Variants in LRP1B observed in about 807,000 individuals in gnomAD.
LRP1B encodes the protein low-density lipoprotein receptor-related protein 1B.
In LRP1B, 217 loss-of-function variants were observed where a neutral mutation model predicts 556.6. The ratio of observed to expected loss-of-function variants is 0.39; its 90% CI spans 0.35 to 0.44. The LOEUF is 0.44. LRP1B is among the 20% of genes least tolerant of loss of function. The pLI, the probability that LRP1B is intolerant of heterozygous loss-of-function variation, is 1.00. For missense variants in LRP1B, 5,053 were observed against 5,620.8 expected (o/e 0.90, Z 3.23); for synonymous variants, 2,047 against 1,865.8 (o/e 1.10, Z -2.50).
intron 11 of LRP1B, among the ~76,000 whole-genome samples, chr2:141,043,413 C>G (rs1425588826): frequency 6.6e-6 from 1 of 151,750 alleles, no homozygotes; most frequent in Non-Finnish European, 1.5e-5. Context: ...GCAAAATTAT[C>G]ACCCTTTTCA....
chr2:140,577,018 G>C (rs1024856907), intron 43 of LRP1B, among the ~76,000 whole-genome samples: 1 of 152,028 alleles, frequency 6.6e-6, no homozygotes, highest in East Asian at 1.9e-4. Flanking sequence ...TCCCAGTGCA[G>C]TTAGTAGTGA....
chr2:140,826,230 T>G (rs2105064670), intron 31 of LRP1B, among the ~76,000 whole-genome samples: 1 of 152,286 alleles, frequency 6.6e-6, no homozygotes, highest in East Asian at 1.9e-4. Flanking sequence ...GGTCCTTGAA[T>G]AACATTTTGG....
chr2:141,743,925 T>C (rs2105549917), intron 2 of LRP1B, among the ~76,000 whole-genome samples: 1 of 141,612 alleles, frequency 7.1e-6, no homozygotes, highest in East Asian at 2.1e-4. Context: ...GCTTTGTCAG[T>C]TTTGTTTATT....
At chr2:140,381,867 A>G (rs113982628) in intron 67 of LRP1B, among the ~76,000 whole-genome samples, 17,765 of 123,474 alleles carry the variant, frequency 0.14, 424 homozygotes, top group East Asian at 0.27. Context: ...CTTTCAAAAA[A>G]AAAAAAAAAA....
intron 2 of LRP1B, among the ~76,000 whole-genome samples, chr2:141,550,310 A>G (rs549646611): frequency 6.6e-6 from 1 of 152,308 alleles, no homozygotes; most frequent in Admixed American, 6.5e-5. Flanking sequence ...TAAATTTCCT[A>G]AAATCCTATT....
At chr2:141,022,618 G>A (rs1012938508) in intron 11 of LRP1B, among the ~76,000 whole-genome samples, 1 of 151,906 alleles carries the variant, frequency 6.6e-6, no homozygotes, top group Non-Finnish European at 1.5e-5. Flanking sequence ...GGTCCTGCCT[G>A]AGACTGACTA....
intron 2 of LRP1B, among the ~76,000 whole-genome samples, chr2:141,614,561 AAGG>A (rs1688228051): frequency 6.6e-6 from 1 of 152,192 alleles, no homozygotes; most frequent in Non-Finnish European, 1.5e-5. Flanking sequence ...CTGGTAGAAG[AAGG>A]AGATTGAGAC....
intron 43 of LRP1B, among the ~76,000 whole-genome samples, chr2:140,551,278 A>G (rs1680538887): frequency 6.6e-6 from 1 of 152,196 alleles, no homozygotes; most frequent in African/African-American, 2.4e-5. Context: ...GAGTGTAAAA[A>G]TAATAACTGC....
At chr2:140,381,600 T>C (rs1683489546) in intron 67 of LRP1B, among the ~76,000 whole-genome samples, 3 of 152,054 alleles carry the variant, frequency 2.0e-5, no homozygotes. Context: ...TGGTGGCTCA[T>C]GCCTGTAATC....
chr2:141,020,664 C>T lies in LRP1B; in HGVS notation c.1790-562G>A, dbSNP rs144109755. On this transcript the variant is annotated intron_variant, in intron 11 of 90. Transcript: ENST00000389484. ...GCATCAACAGTCAATCTCAAGGAAT[C>T]GCCAAAATACTTCTCTTTGTTTTAG... Among the ~76,000 whole-genome samples, 23 of 152,074 alleles carry T rather than the reference C, an allele frequency of 1.5e-4. No individual in the cohort carries two copies. In the East Asian group the frequency reaches 3.9e-3, roughly 26 times the overall value.
chr2:140,270,453 A>G, intron 85 of LRP1B, 107 bp from the exon 86 acceptor site: 1 of 690,562 alleles, frequency 1.4e-6, no homozygotes, highest in Non-Finnish European at 2.5e-6. Context: ...TATAGGAGAG[A>G]TGGAGTGGCT....
At chr2:141,644,244 G>A (rs1689463971) in intron 2 of LRP1B, among the ~76,000 whole-genome samples, 1 of 151,962 alleles carries the variant, frequency 6.6e-6, no homozygotes, top group Admixed American at 6.6e-5. Context: ...AACCCGGTGG[G>A]AGGTAATTGA....
chr2:141,145,998 C>T (rs1701777154), intron 7 of LRP1B, among the ~76,000 whole-genome samples: 2 of 140,766 alleles, frequency 1.4e-5, no homozygotes, highest in Non-Finnish European at 3.0e-5. Flanking sequence ...AATCTCAGCT[C>T]ACCGCAACCT....
At chr2:141,360,661 G>C (rs1688789937) in intron 3 of LRP1B, among the ~76,000 whole-genome samples, 1 of 152,124 alleles carries the variant, frequency 6.6e-6, no homozygotes, top group Non-Finnish European at 1.5e-5. Context: ...GCTGAGGCTG[G>C]GGCAGGAAGG....
intron 3 of LRP1B, among the ~76,000 whole-genome samples, chr2:141,355,334 A>G (rs1688587815): frequency 6.6e-6 from 1 of 151,976 alleles, no homozygotes; most frequent in Non-Finnish European, 1.5e-5. Context: ...CTTAATATCC[A>G]CCCTTATAAA....
intron 33 of LRP1B, among the ~76,000 whole-genome samples, chr2:140,773,902 A>T (rs1689402398): frequency 6.6e-6 from 1 of 152,134 alleles, no homozygotes; most frequent in Non-Finnish European, 1.5e-5. Context: ...AATTTATATT[A>T]TCTATCAAAT....
rs529101494 is a variant in LRP1B, at chr2:140,687,623, C to G, written c.6799+12627G>C. On this transcript the variant is annotated intron_variant, in intron 41 of 90. Coordinates refer to ENST00000389484, the MANE Select transcript of LRP1B (RefSeq NM_018557.3). ...TTTAATATACTCTTTCTCTCTCTCT[C>G]TCAGTATTTTTAACCAGATATCCTG... Among the ~76,000 whole-genome samples, 6 of 151,952 alleles carry G rather than the reference C, an allele frequency of 3.9e-5. No homozygotes were observed. The South Asian group carries it at 6.2e-4, about 16-fold the overall frequency.
At chr2:141,218,354 A>G (rs941322302) in intron 6 of LRP1B, among the ~76,000 whole-genome samples, 1 of 152,222 alleles carries the variant, frequency 6.6e-6, no homozygotes, top group Admixed American at 6.5e-5. Context: ...TCACAGCACT[A>G]TTCACAACCA....
At chr2:140,728,821 G>C (rs940418423) in intron 35 of LRP1B, among the ~76,000 whole-genome samples, 1 of 152,044 alleles carries the variant, frequency 6.6e-6, no homozygotes, top group African/African-American at 2.4e-5. Context: ...CTACATAGTG[G>C]CTCTGTGATA....
Sources: gnomAD v4.1 joint callset for allele counts (sites outside exome capture counted in the v4.1 genomes callset) on GRCh38, gnomAD v4.1.1 for gene constraint, MANE v1.5 for transcripts, NCBI Gene and HGNC (gene_info 2026-07-23, HGNC 2026-07-21) for gene names.